Variants in SEC23B observed in about 807,000 individuals in gnomAD.
The protein encoded by SEC23B is SEC23 homolog B, COPII component.
A neutral mutation model predicts 104.3 loss-of-function variants in SEC23B; 77 were observed. The ratio of observed to expected loss-of-function variants is 0.74; its 90% confidence interval spans 0.61 to 0.89. The LOEUF is 0.89. Among genes scored for constraint, SEC23B ranks in the 40% least tolerant of loss-of-function variants. The pLI, the probability that SEC23B is intolerant of heterozygous loss-of-function variation, is 0.00. For synonymous variants in SEC23B, 338 were observed against 332.5 expected, an observed-to-expected ratio of 1.02 and a Z score of -0.18; for missense variants, 885 against 949.4, an observed-to-expected ratio of 0.93 and a Z score of 0.89.
intron 19 of SEC23B, among the ~76,000 whole-genome samples, chr20:18,556,244 C>T (rs148744003): frequency 4.7e-4 from 71 of 152,222 alleles, no homozygotes; most frequent in African/African-American, 1.5e-3. Context: ...TGGTACTATC[C>T]GTGGCCTGCA....
At chr20:18,548,549 G>C in intron 15 of SEC23B, 60 bp from the exon 16 acceptor site, 1 of 1,534,366 alleles carries the variant, frequency 6.5e-7, no homozygotes, top group Admixed American at 1.7e-5. Flanking sequence ...GATCTACTCT[G>C]TGGGTGTCTA....
chr20:18,525,073 C>A, intron 6 of SEC23B, 53 bp downstream of exon 6: 2 of 1,446,348 alleles, frequency 1.4e-6, no homozygotes, highest in Non-Finnish European at 1.9e-6. Flanking sequence ...TGCAGATGAT[C>A]CATGGGAGTA....
chr20:18,532,574 A>G (rs1163467965), intron 10 of SEC23B, 90 bp from the exon 11 acceptor site: 8 of 944,324 alleles, frequency 8.5e-6, no homozygotes, highest in South Asian at 7.8e-5. Context: ...GTAGTGTTAT[A>G]TTTTCCCTCT....
intron 19 of SEC23B, among the ~76,000 whole-genome samples, chr20:18,559,008 C>T (rs891522478): frequency 6.9e-6 from 1 of 145,968 alleles, no homozygotes; most frequent in African/African-American, 2.5e-5. Context: ...TGTATGAGAC[C>T]CTGGATCTTA....
At chr20:18,538,423 T>G (rs999649313) in intron 12 of SEC23B, among the ~76,000 whole-genome samples, 1 of 151,936 alleles carries the variant, frequency 6.6e-6, no homozygotes, top group Non-Finnish European at 1.5e-5. Context: ...CTAATTTTTT[T>G]TTTGTATTTT....
At chr20:18,514,314 G>A (rs1304402620) in intron 3 of SEC23B, among the ~76,000 whole-genome samples, 1 of 152,190 alleles carries the variant, frequency 6.6e-6, no homozygotes, top group Non-Finnish European at 1.5e-5. Context: ...AGGTTGCTGG[G>A]AGGTGGCTGG....
chr20:18,542,958 G>T, intron 13 of SEC23B, 61 bp from the exon 14 acceptor site: 1 of 1,603,298 alleles, frequency 6.2e-7, no homozygotes, highest in Non-Finnish European at 8.5e-7. Flanking sequence ...TTTTCTGAAT[G>T]GATGTCTGGC....
chr20:18,558,547 T>A (rs1453729815), intron 19 of SEC23B, among the ~76,000 whole-genome samples: 10 of 152,212 alleles, frequency 6.6e-5, no homozygotes, highest in Non-Finnish European at 1.5e-5. Flanking sequence ...GTGACATGAA[T>A]GTTAGATCTT....
At chr20:18,514,748 C>T (rs1470741145) in intron 3 of SEC23B, among the ~76,000 whole-genome samples, 1 of 152,176 alleles carries the variant, frequency 6.6e-6, no homozygotes, top group Non-Finnish European at 1.5e-5. Context: ...ATGTTCTCAA[C>T]TGTGCTTAAG....
intron 3 of SEC23B, 31 bp downstream of exon 3, chr20:18,512,313 T>A: frequency 1.5e-6 from 2 of 1,372,418 alleles, no homozygotes; most frequent in Non-Finnish European, 2.1e-6. Flanking sequence ...AAATGTTATA[T>A]GTTTTATTTT....
intron 4 of SEC23B, among the ~76,000 whole-genome samples, chr20:18,522,499 T>A (rs1056485743): frequency 6.6e-6 from 1 of 152,190 alleles, no homozygotes; most frequent in African/African-American, 2.4e-5. Context: ...AAAGACCACT[T>A]ACCCGATTTG....
chr20:18,518,508 A>G (rs1235982236), intron 4 of SEC23B, among the ~76,000 whole-genome samples: 1 of 149,634 alleles, frequency 6.7e-6, no homozygotes, highest in Non-Finnish European at 1.5e-5. Context: ...GAGGCAGGCT[A>G]ATGGCTTGTA....
chr20:18,544,635 G>A (rs1267669191), intron 14 of SEC23B, among the ~76,000 whole-genome samples: 1 of 152,202 alleles, frequency 6.6e-6, no homozygotes, highest in Non-Finnish European at 1.5e-5. Flanking sequence ...ACTTTAGGGA[G>A]CAAGGGAGAC....
chr20:18,536,078 T>A (rs3818218), intron 12 of SEC23B, among the ~76,000 whole-genome samples: 103,528 of 152,026 alleles, frequency 0.68, 36,689 homozygotes, highest in Non-Finnish European at 0.8. Flanking sequence ...ACAGAAAAAT[T>A]GAAAGAATTG....
intron 16 of SEC23B, among the ~76,000 whole-genome samples, chr20:18,550,633 G>C (rs935056871): frequency 6.6e-6 from 1 of 152,058 alleles, no homozygotes; most frequent in African/African-American, 2.4e-5. Flanking sequence ...CATTAAGCCT[G>C]GACAACATAG....
At chr20:18,526,238 G>A (rs775188133) in intron 7 of SEC23B, 135 bp from the exon 8 acceptor site, 2 of 1,010,834 alleles carry the variant, frequency 2.0e-6, no homozygotes, top group East Asian at 2.6e-5. Flanking sequence ...ATTATCATCT[G>A]TATTATTCTG....
chr20:18,541,234 C>T (rs1274724114), intron 12 of SEC23B, among the ~76,000 whole-genome samples: 2 of 152,242 alleles, frequency 1.3e-5, no homozygotes, highest in Non-Finnish European at 2.9e-5. Context: ...GGATTAGGCC[C>T]TGGCTTAAGG....
rs565699496 is a variant in SEC23B at position 18,537,606 on chromosome 20, G to C, written c.1404+1864G>C. 2.4e-4 allele frequency among the ~76,000 whole-genome samples: 37 copies of C among 152,088 alleles called. No individual in the cohort carries two copies. In the East Asian group the frequency reaches 5.8e-3, roughly 24 times the overall value. ...TGTTGTGGGGTGGGGGAAGGGGGGA[G>C]GAATAACATTAGGAGATATAACTAA... is the stretch of plus-strand genomic sequence containing the variant. On this transcript the variant is annotated intron_variant, in intron 12 of 19. Transcript: ENST00000650089.
intron 12 of SEC23B, 145 bp from the exon 13 acceptor site, chr20:18,542,151 T>C: frequency 1.3e-6 from 1 of 794,018 alleles, no homozygotes; most frequent in Non-Finnish European, 2.2e-6. Flanking sequence ...CAGTGAAATG[T>C]GCAAATCCTA....
Sources: gnomAD v4.1 joint callset for allele counts (sites outside exome capture counted in the v4.1 genomes callset) on GRCh38, gnomAD v4.1.1 for gene constraint, MANE v1.5 for transcripts, NCBI Gene and HGNC (gene_info 2026-07-23, HGNC 2026-07-21) for gene names.